ATG7: variants seen among roughly 807,000 people sequenced by gnomAD.
ATG7 encodes autophagy related 7, also known as ubiquitin-like modifier-activating enzyme ATG7.
In ATG7, 70 loss-of-function variants were observed where a neutral mutation model predicts 82.4. The observed-to-expected ratio is 0.85, with a 90% confidence interval of 0.70 to 1.04. The LOEUF is 1.04. ATG7 is among the 50% of genes least tolerant of loss of function. The probability of loss-of-function intolerance (pLI) is 0.00; values close to 1 mark genes in which losing one functional copy is unlikely to be tolerated. For missense variants in ATG7, 792 were observed against 864.3 expected, an observed-to-expected ratio of 0.92 and a Z score of 1.05; for synonymous variants, 287 against 313.0, an observed-to-expected ratio of 0.92 and a Z score of 0.88.
rs577557711 is a variant in ATG7 at position 11,374,148 on chromosome 3, C to T, written c.1876-5824C>T. ...GGAAGTGCAAGGGACCCAGAATACC[C>T]AAAACGATCCTGGACGTGAAGAACA... On this transcript the variant is annotated intron_variant, in intron 18 of 20. Coordinates refer to ENST00000693202, the MANE Select transcript of ATG7 (RefSeq NM_001349232.2). 1.2e-4 allele frequency among the ~76,000 whole-genome samples: 18 copies of T among 152,222 alleles called. No homozygotes were observed. In the South Asian group the frequency reaches 3.5e-3, roughly 30 times the overall value.
At chr3:11,293,249 G>A (rs1394143191) in intron 3 of ATG7, among the ~76,000 whole-genome samples, 1 of 152,152 alleles carries the variant, frequency 6.6e-6, no homozygotes, top group African/African-American at 2.4e-5. Flanking sequence ...GAATGATTTG[G>A]CCGGGTGTGG....
intron 20 of ATG7, among the ~76,000 whole-genome samples, chr3:11,532,822 C>A (rs2447605): frequency 1.3e-5 from 2 of 152,048 alleles, no homozygotes; most frequent in African/African-American, 2.4e-5. Context: ...CATGAGATGT[C>A]GTTAGCATGG....
the ATG7 span, among the ~76,000 whole-genome samples, chr3:11,568,350 C>T: frequency 3.9e-5 from 6 of 152,302 alleles, no homozygotes; most frequent in Admixed American, 1.3e-4. The surrounding 1 kb of genome is among the most constrained non-coding windows in gnomAD (Gnocchi z 5.9). Context: ...GTGCCAGGGC[C>T]GCCAGCTGCC....
At chr3:11,364,383 C>T (rs2076463910) in intron 17 of ATG7, among the ~76,000 whole-genome samples, 1 of 152,168 alleles carries the variant, frequency 6.6e-6, no homozygotes, top group Non-Finnish European at 1.5e-5. Context: ...TCAGAGCTCC[C>T]TCATTCCTAC....
intron 20 of ATG7, among the ~76,000 whole-genome samples, chr3:11,458,848 G>A (rs1288052285): frequency 3.3e-5 from 5 of 152,136 alleles, no homozygotes; most frequent in East Asian, 1.9e-4. Flanking sequence ...GTAGGTGAGC[G>A]GGGCAAGCGA....
At chr3:11,417,393 G>A (rs1454856705) in intron 19 of ATG7, among the ~76,000 whole-genome samples, 2 of 152,084 alleles carry the variant, frequency 1.3e-5, no homozygotes, top group African/African-American at 4.8e-5. Flanking sequence ...GTGTCTTACT[G>A]GAGAATTGAG....
chr3:11,401,784 A>G (rs1232181036), intron 19 of ATG7, among the ~76,000 whole-genome samples: 3 of 152,178 alleles, frequency 2.0e-5, no homozygotes, highest in Non-Finnish European at 2.9e-5. Context: ...TACAGACTAT[A>G]AGCTCTAAGT....
intron 3 of ATG7, among the ~76,000 whole-genome samples, chr3:11,296,614 C>T (rs1559344160): frequency 6.6e-6 from 1 of 152,218 alleles, no homozygotes; most frequent in Non-Finnish European, 1.5e-5. Context: ...GTTAGCCTCA[C>T]ATTTGAGGCT....
chr3:11,541,141 C>A (rs1468282782), intron 20 of ATG7, among the ~76,000 whole-genome samples: 1 of 152,148 alleles, frequency 6.6e-6, no homozygotes. Context: ...ACTTCGTGAT[C>A]CGCCCGCCTC....
intron 19 of ATG7, among the ~76,000 whole-genome samples, chr3:11,416,842 G>C (rs2081410573): frequency 6.6e-6 from 1 of 152,036 alleles, no homozygotes; most frequent in African/African-American, 2.4e-5. Context: ...CAGTGATACA[G>C]ATTTCTGTCT....
chr3:11,408,488 C>T (rs947027632), intron 19 of ATG7, among the ~76,000 whole-genome samples: 3 of 152,208 alleles, frequency 2.0e-5, no homozygotes, highest in East Asian at 3.8e-4. Flanking sequence ...ACACCCCATT[C>T]CTGGTACCAG....
intron 19 of ATG7, among the ~76,000 whole-genome samples, chr3:11,396,973 T>C (rs2079351921): frequency 6.6e-6 from 1 of 151,960 alleles, no homozygotes; most frequent in African/African-American, 2.4e-5. Flanking sequence ...AGAAAAATTG[T>C]ATAACTTCTG....
intron 3 of ATG7, among the ~76,000 whole-genome samples, chr3:11,288,034 A>G (rs898868426): frequency 6.6e-6 from 1 of 152,194 alleles, no homozygotes; most frequent in Admixed American, 6.5e-5. Flanking sequence ...TAAAAAAAAT[A>G]AAATACACAG....
intron 20 of ATG7, among the ~76,000 whole-genome samples, chr3:11,486,210 T>C (rs557243985): frequency 6.6e-6 from 1 of 152,334 alleles, no homozygotes; most frequent in African/African-American, 2.4e-5. Flanking sequence ...TGTCCTCTTT[T>C]ATTTCATGAG....
At chr3:11,563,505 A>C in the ATG7 span, among the ~76,000 whole-genome samples, 2 of 152,022 alleles carry the variant, frequency 1.3e-5, no homozygotes, top group Admixed American at 1.3e-4. Flanking sequence ...CCCCAATTAG[A>C]CTGGGAGCTC....
chr3:11,312,318 A>G (rs1396246762), intron 7 of ATG7, among the ~76,000 whole-genome samples: 2 of 152,242 alleles, frequency 1.3e-5, no homozygotes, highest in Admixed American at 6.5e-5. Flanking sequence ...AAATACCCAC[A>G]TATGTCTGGA....
chr3:11,287,240 T>C (rs9811734), intron 3 of ATG7, among the ~76,000 whole-genome samples: 4,552 of 152,210 alleles, frequency 0.03, 238 homozygotes, highest in African/African-American at 0.1. Context: ...CTAGGTGGCT[T>C]AGAGCCAGGA....
At chr3:11,314,399 A>G (rs781364227) in intron 8 of ATG7, among the ~76,000 whole-genome samples, 1 of 91,764 alleles carries the variant, frequency 1.1e-5, no homozygotes, top group Non-Finnish European at 2.1e-5. Flanking sequence ...AGCAGCCATT[A>G]TTGATTAAAT....
intron 18 of ATG7, among the ~76,000 whole-genome samples, chr3:11,378,204 T>C (rs1575847548): frequency 1.3e-5 from 2 of 149,750 alleles, no homozygotes; most frequent in Admixed American, 1.3e-4. Context: ...TTAGCAGAGG[T>C]GGGGGTTTTG....
Sources: allele counts gnomAD v4.1 joint callset (sites outside exome capture counted in the v4.1 genomes callset), GRCh38; gene constraint gnomAD v4.1.1; non-coding constraint Gnocchi (gnomAD v3.1); transcripts MANE v1.5; gene names NCBI Gene and HGNC (gene_info 2026-07-23, HGNC 2026-07-21).